Variants in PCDH15 observed in about 807,000 individuals in gnomAD.
PCDH15 encodes the protein protocadherin-15.
Under a neutral mutation model 178.5 loss-of-function variants are expected in PCDH15, and 129 were observed. That is an observed-to-expected ratio of 0.72 (90% CI 0.63 to 0.84). The LOEUF (loss-of-function observed/expected upper bound fraction) is 0.84. Among genes scored for constraint, PCDH15 ranks in the 40% least tolerant of loss-of-function variants. The pLI is 0.00. For synonymous variants in PCDH15, 800 were observed against 732.0 expected (o/e 1.09, Z -1.50); for missense variants, 2,230 against 2,099.9 (o/e 1.06, Z -1.21).
At chr10:53,981,597 G>A (rs1348570881) in intron 21 of PCDH15, among the ~76,000 whole-genome samples, 1 of 151,202 alleles carries the variant, frequency 6.6e-6, no homozygotes, top group East Asian at 1.9e-4. Context: ...AAATGGTGCT[G>A]GGAAAACTGG....
chr10:55,196,431 C>T (rs1261641120), intron 1 of PCDH15, among the ~76,000 whole-genome samples: 1 of 152,076 alleles, frequency 6.6e-6, no homozygotes, highest in Non-Finnish European at 1.5e-5. Context: ...TTATCTCTTT[C>T]AATAGAGCTC....
At chr10:54,764,270 T>C (rs1591514365) in intron 1 of PCDH15, among the ~76,000 whole-genome samples, 1 of 152,136 alleles carries the variant, frequency 6.6e-6, no homozygotes, top group East Asian at 1.9e-4. Context: ...AAGAACACAG[T>C]AAATAGTAAG....
intron 3 of PCDH15, among the ~76,000 whole-genome samples, chr10:54,846,150 C>T (rs570052154): frequency 6.6e-6 from 1 of 152,204 alleles, no homozygotes; most frequent in Admixed American, 6.6e-5. Context: ...TATGTAACTG[C>T]ATCACTAATA....
intron 21 of PCDH15, among the ~76,000 whole-genome samples, chr10:53,985,028 G>T (rs1175631434): frequency 1.3e-5 from 2 of 152,124 alleles, no homozygotes; most frequent in Admixed American, 1.3e-4. Context: ...TTAGCCATGC[G>T]TCCCTGCAGA....
chr10:53,828,876 A>C (rs1324829426), intron 30 of PCDH15, among the ~76,000 whole-genome samples: 1 of 152,182 alleles, frequency 6.6e-6, no homozygotes, highest in Non-Finnish European at 1.5e-5. Context: ...TAGTGGAAAA[A>C]TGGAATATTA....
At chr10:55,244,866 C>G (rs1441875658) in intron 1 of PCDH15, among the ~76,000 whole-genome samples, 1 of 151,512 alleles carries the variant, frequency 6.6e-6, no homozygotes, top group South Asian at 2.1e-4. Flanking sequence ...ATCACTTTAT[C>G]GAAGATATGG....
intron 2 of PCDH15, among the ~76,000 whole-genome samples, chr10:54,549,141 T>C (rs1457199433): frequency 4.6e-5 from 7 of 151,830 alleles, no homozygotes; most frequent in Non-Finnish European, 1.0e-4. Context: ...ATCCTTGGCT[T>C]TGTTAAGTCT....
At chr10:54,722,447 A>T in intron 1 of PCDH15, among the ~76,000 whole-genome samples, 1 of 151,576 alleles carries the variant, frequency 6.6e-6, no homozygotes, top group Non-Finnish European at 1.5e-5. Context: ...CTGTTTATCC[A>T]CTCAAATAAC....
intron 10 of PCDH15, among the ~76,000 whole-genome samples, chr10:54,203,392 G>A (rs142871807): frequency 5.3e-5 from 8 of 152,202 alleles, no homozygotes; most frequent in African/African-American, 1.9e-4. Context: ...ACGTATGCCT[G>A]TGTATACACA....
intron 15 of PCDH15, among the ~76,000 whole-genome samples, chr10:54,107,119 T>G (rs2094930186): frequency 1.3e-5 from 2 of 152,226 alleles, no homozygotes; most frequent in Admixed American, 1.3e-4. Context: ...AATATTTTAT[T>G]AATAGAATCA....
At chr10:53,951,938 G>A (rs2087098477) in intron 23 of PCDH15, among the ~76,000 whole-genome samples, 1 of 152,228 alleles carries the variant, frequency 6.6e-6, no homozygotes, top group Non-Finnish European at 1.5e-5. Flanking sequence ...TGCCAGCACA[G>A]ATGCCAGCTC....
intron 10 of PCDH15, among the ~76,000 whole-genome samples, chr10:54,212,549 G>T (rs1201683303): frequency 1.1e-4 from 17 of 151,974 alleles, no homozygotes; most frequent in African/African-American, 3.9e-4. Context: ...TTAGCTTGGG[G>T]TGATCTCCAG....
At chr10:53,819,875 G>A (rs1037464349) in intron 33 of PCDH15, among the ~76,000 whole-genome samples, 1 of 151,878 alleles carries the variant, frequency 6.6e-6, no homozygotes, top group Non-Finnish European at 1.5e-5. Flanking sequence ...GTCAGAAAAA[G>A]ACTGGCTTAA....
chr10:55,076,765 T>TC (rs1491513254), intron 2 of PCDH15, among the ~76,000 whole-genome samples: 125 of 104,094 alleles, frequency 1.2e-3, no homozygotes, highest in African/African-American at 5.2e-3. Flanking sequence ...GCCTGTGACC[T>TC]TTTTTTTTTT....
chr10:54,112,017 C>T (rs1387874243), intron 15 of PCDH15, among the ~76,000 whole-genome samples: 1 of 150,328 alleles, frequency 6.7e-6, no homozygotes, highest in African/African-American at 2.4e-5. Context: ...GTGGTGGGCG[C>T]CTGTAATCCC....
intron 5 of PCDH15, among the ~76,000 whole-genome samples, chr10:54,368,584 A>G (rs1433409401): frequency 1.3e-5 from 2 of 152,102 alleles, no homozygotes; most frequent in Non-Finnish European, 2.9e-5. Context: ...GTCCTTAAAA[A>G]GTTACAATAC....
Position 54,032,304 on chromosome 10 carries a change from A to G in PCDH15, c.2221-9107T>C, listed in dbSNP as rs569906329. On this transcript the variant is annotated intron_variant, in intron 18 of 37. Coordinates refer to ENST00000644397, the MANE Select transcript of PCDH15 (RefSeq NM_001384140.1). ...CCTCATCTTCATGCTCCTGAAGCTCATTGTATGTTTCTTTACCACATGCCC... is the reference window on the plus strand; with the variant it reads ...CCTCATCTTCATGCTCCTGAAGCTCGTTGTATGTTTCTTTACCACATGCCC... Among the ~76,000 whole-genome samples the G allele has an allele frequency of 5.3e-5, 8 of 152,008 alleles. No homozygotes were observed. In the South Asian group the frequency reaches 1.7e-3, roughly 32 times the overall value.
At chr10:54,410,258 T>A (rs10740583) in intron 3 of PCDH15, among the ~76,000 whole-genome samples, 120,564 of 151,994 alleles carry the variant, frequency 0.79, 48,589 homozygotes, top group East Asian at 0.97. Flanking sequence ...CTTATTCATA[T>A]GCACACAAGC....
At chr10:55,446,605 A>T (rs10825516) in intron 2 of PCDH15, among the ~76,000 whole-genome samples, 116,397 of 152,032 alleles carry the variant, frequency 0.77, 45,919 homozygotes, top group East Asian at 1. Flanking sequence ...GAGCCTCATC[A>T]ACATGCGCAT....
Sources: allele counts gnomAD v4.1 joint callset (sites outside exome capture counted in the v4.1 genomes callset), GRCh38; gene constraint gnomAD v4.1.1; transcripts MANE v1.5; gene names NCBI Gene and HGNC (gene_info 2026-07-23, HGNC 2026-07-21).